LRRTM3: variants seen among roughly 807,000 people sequenced by gnomAD.
The protein encoded by LRRTM3 is leucine rich repeat transmembrane neuronal 3.
LRRTM3 carries 24 observed loss-of-function variants against 44.7 expected under a neutral mutation model. That is an observed-to-expected ratio of 0.54 (90% CI 0.39 to 0.76). LRRTM3 has a LOEUF of 0.76. Ranked by LOEUF, LRRTM3 falls within the 30% of genes least tolerant of loss-of-function variation. LRRTM3 has a pLI of 0.00. For synonymous variants in LRRTM3, 277 were observed against 278.7 expected, an observed-to-expected ratio of 0.99 and a Z score of 0.06; for missense variants, 587 against 702.2, an observed-to-expected ratio of 0.84 and a Z score of 1.85.
intron 2 of LRRTM3, among the ~76,000 whole-genome samples, chr10:67,074,445 G>A (rs963924625): frequency 7.0e-6 from 1 of 142,292 alleles, no homozygotes; most frequent in African/African-American, 2.7e-5. Flanking sequence ...CCACCTCCCG[G>A]GTTCACGCCA....
intron 2 of LRRTM3, among the ~76,000 whole-genome samples, chr10:66,968,429 A>G (rs1849551699): frequency 1.3e-5 from 2 of 151,220 alleles, no homozygotes; most frequent in Non-Finnish European, 2.9e-5. Flanking sequence ...AAAAAAAGAG[A>G]CAAGATGAAT....
At position 67,033,780 on chromosome 10, in the gene LRRTM3, T is replaced by C. The variant is rs560027410; in HGVS notation, c.1537-63807T>C. Among the ~76,000 whole-genome samples the C allele has an allele frequency of 2.6e-5, 4 of 152,288 alleles. No homozygotes were observed. The East Asian group carries it at 7.7e-4, about 29-fold the overall frequency. On this transcript the variant is annotated intron_variant, in intron 2 of 2. Coordinates refer to ENST00000361320, the MANE Select transcript of LRRTM3 (RefSeq NM_178011.5). The stretch of plus-strand genomic sequence containing the variant: ...ACTTTTACTGTATAGTGTTTCTTTT[T>C]GTTTTTTTTGGACGAAGTCTCACTC...
At chr10:67,015,475 A>G (rs1745866923) in intron 2 of LRRTM3, 1 of 152,126 alleles carries the variant, frequency 6.6e-6, no homozygotes, top group African/African-American at 2.4e-5. Flanking sequence ...CTCCTTCAGA[A>G]TTGTGTAGTA....
chr10:66,942,415 C>A (rs1417385466), intron 2 of LRRTM3, among the ~76,000 whole-genome samples: 1 of 152,154 alleles, frequency 6.6e-6, no homozygotes, highest in African/African-American at 2.4e-5. Context: ...TGTTGTTCAG[C>A]AACACAACAG....
intron 2 of LRRTM3, among the ~76,000 whole-genome samples, chr10:66,994,401 T>C (rs1367282165): frequency 2.6e-5 from 4 of 152,186 alleles, no homozygotes; most frequent in Non-Finnish European, 4.4e-5. Context: ...ACTTAATAAA[T>C]GGAATGAAGC....
At chr10:67,092,392 C>G (rs1047533638) in intron 2 of LRRTM3, among the ~76,000 whole-genome samples, 1 of 151,788 alleles carries the variant, frequency 6.6e-6, no homozygotes, top group East Asian at 1.9e-4. Flanking sequence ...GAAAACATGG[C>G]CTTTTTGTTA....
intron 2 of LRRTM3, among the ~76,000 whole-genome samples, chr10:67,007,447 AT>A (rs138016631): frequency 0.016 from 2,461 of 151,468 alleles, 86 homozygotes; most frequent in African/African-American, 0.056. Flanking sequence ...ACTTATCATG[AT>A]TTTTTTCATT....
intron 2 of LRRTM3, among the ~76,000 whole-genome samples, chr10:67,097,227 C>CTAA (rs771143474): frequency 7.3e-4 from 111 of 151,678 alleles, no homozygotes; most frequent in African/African-American, 2.2e-3. Context: ...ATAATTAACA[C>CTAA]TAATAATAAT....
chr10:67,007,407 T>C (rs1340326873), intron 2 of LRRTM3, among the ~76,000 whole-genome samples: 2 of 152,132 alleles, frequency 1.3e-5, no homozygotes, highest in African/African-American at 2.4e-5. Flanking sequence ...TGACTTTTTT[T>C]TTTTAACATA....
intron 2 of LRRTM3, among the ~76,000 whole-genome samples, chr10:67,033,675 A>G (rs1853869760): frequency 6.6e-6 from 1 of 152,240 alleles, no homozygotes; most frequent in African/African-American, 2.4e-5. Flanking sequence ...AAAGAGAAGA[A>G]TACTGAGGTA....
chr10:66,978,542 A>G (rs866355292), intron 2 of LRRTM3, among the ~76,000 whole-genome samples: 1 of 68,616 alleles, frequency 1.5e-5, no homozygotes. Context: ...AAAAAAAAAA[A>G]AAAAAAAAAA....
intron 2 of LRRTM3, among the ~76,000 whole-genome samples, chr10:66,978,701 A>C (rs1460893022): frequency 6.7e-6 from 1 of 149,994 alleles, no homozygotes; most frequent in Non-Finnish European, 1.5e-5. Flanking sequence ...GCAATTCATA[A>C]AGTTCCAGTG....
At chr10:67,051,295 C>T (rs1477527033) in intron 2 of LRRTM3, among the ~76,000 whole-genome samples, 1 of 152,114 alleles carries the variant, frequency 6.6e-6, no homozygotes, top group African/African-American at 2.4e-5. Flanking sequence ...TTACACCTAA[C>T]CTTAAATGTC....
chr10:66,995,548 G>T (rs1589567527), intron 2 of LRRTM3, among the ~76,000 whole-genome samples: 1 of 152,098 alleles, frequency 6.6e-6, no homozygotes, highest in Non-Finnish European at 1.5e-5. Flanking sequence ...CCTTTCAAAG[G>T]TTACCAATAT....
intron 2 of LRRTM3, among the ~76,000 whole-genome samples, chr10:66,963,379 A>G (rs1589502801): frequency 6.6e-6 from 1 of 152,352 alleles, no homozygotes; most frequent in South Asian, 2.1e-4. Flanking sequence ...AAATGTGATT[A>G]TATGATTAAT....
intron 2 of LRRTM3, among the ~76,000 whole-genome samples, chr10:66,978,961 T>G (rs1416419349): frequency 0.015 from 581 of 38,052 alleles, 6 homozygotes; most frequent in African/African-American, 0.037. Context: ...ACTTATTTCC[T>G]TTTTTTTTTT....
In LRRTM3 at chr10:66,926,604, T is replaced by C; in HGVS notation, c.4+17T>C. 1 of 1,614,014 alleles carries C rather than the reference T, an allele frequency of 6.2e-7. No homozygotes were observed. The highest frequency in any genetic ancestry group is 2.2e-5 in the East Asian group (1 of 44,864). On this transcript the variant is annotated intron_variant, in intron 1 of 2. Coordinates refer to ENST00000361320, the MANE Select transcript of LRRTM3 (RefSeq NM_178011.5). The stretch of plus-strand genomic sequence containing the variant: ...AAAGGATGGGTATGTTTTGTCATTT[T>C]TCTTCTTTCCTTCTTAAAAACAAAA...
chr10:67,046,209 TA>T (rs1241108792), intron 2 of LRRTM3, among the ~76,000 whole-genome samples: 1 of 152,216 alleles, frequency 6.6e-6, no homozygotes, highest in Non-Finnish European at 1.5e-5. Context: ...GGTTTCAATT[TA>T]AAGACCCCGT....
chr10:67,047,494 C>T (rs1219030690), intron 2 of LRRTM3, among the ~76,000 whole-genome samples: 2 of 151,950 alleles, frequency 1.3e-5, no homozygotes, highest in East Asian at 3.9e-4. Flanking sequence ...ATATTTAAAC[C>T]AGCCTGTCAC....
Sources: gnomAD v4.1 joint callset for allele counts (sites outside exome capture counted in the v4.1 genomes callset) on GRCh38, gnomAD v4.1.1 for gene constraint, MANE v1.5 for transcripts, NCBI Gene and HGNC (gene_info 2026-07-23, HGNC 2026-07-21) for gene names.